The following CRLF1 variants were observed in gnomAD, a reference collection of about 807,000 sequenced individuals.
CRLF1 encodes the protein cytokine receptor-like factor 1.
A neutral mutation model predicts 48.9 loss-of-function variants in CRLF1; 36 were observed. That is an observed-to-expected ratio of 0.74 (90% confidence interval 0.56 to 0.97). CRLF1 has a LOEUF of 0.97. CRLF1 is among the 50% of genes least tolerant of loss of function. CRLF1 has a pLI of 0.00. For synonymous variants in CRLF1, 256 were observed against 253.4 expected (o/e 1.01, Z -0.10); for missense variants, 534 against 575.1 (o/e 0.93, Z 0.73).
rs1213448024 is a variant in CRLF1, at chr19:18,606,419, G to A, written c.115+123C>T. On this transcript the variant is annotated intron_variant, in intron 1 of 8. Transcript: ENST00000392386. This position sits in a 1 kb window ranked among gnomAD's most constrained non-coding sequence, Gnocchi z 4.8. ...GAGGGCGCCCCGAGGGCTGCGCCGG[G>A]GGCGCCTTCCTTTGTTCCCCGGCCG... The A allele has an allele frequency of 1.3e-5, 10 of 769,664 alleles. No homozygotes were observed. Among genetic ancestry groups the A allele is most frequent in the East Asian group, 9.1e-5 (1 of 11,014 alleles). 47.7% of individuals were successfully genotyped at this position (769,664 alleles called of 1,614,324 possible). A position where few individuals can be genotyped will look rare whatever the true frequency, so the allele number is the denominator to read the frequency against.
chr19:18,594,673 C>T (rs1016914166), intron 6 of CRLF1, among the ~76,000 whole-genome samples: 1 of 151,844 alleles, frequency 6.6e-6, no homozygotes, highest in African/African-American at 2.4e-5. Context: ...TCCACATCTC[C>T]TCCAGGAACC....
At position 18,606,122 on chromosome 19, in the gene CRLF1, T is replaced by TG. The variant is rs1226100117; in HGVS notation, c.115+419dup. The stretch of plus-strand genomic sequence containing the variant: ...TCCCCGTGGGGCTCATCCCTCCGCC[T>TG]GGGGGGGCCCGCTGGGGGCCCGCAC... On this transcript the variant is annotated intron_variant, in intron 1 of 8. Coordinates refer to ENST00000392386, the MANE Select transcript of CRLF1 (RefSeq NM_004750.5). This position sits in a 1 kb window ranked among gnomAD's most constrained non-coding sequence, Gnocchi z 4.8. Among the ~76,000 whole-genome samples the TG allele has an allele frequency of 3.8e-4, 57 of 150,946 alleles. No individual in the cohort carries two copies. The highest frequency in any genetic ancestry group is 2.0e-4 in the East Asian group (1 of 5,026).
At position 18,593,287 on chromosome 19, in the gene CRLF1, G is replaced by C. The variant is rs1976080141; in HGVS notation, c.*279C>G. Reference sequence around the variant, plus strand: ...AAGGACTCTTTTGGAGGGGCCCTAGGTAATGGGGAGTAATGACTCCCCTTC... The same window carrying C: ...AAGGACTCTTTTGGAGGGGCCCTAGCTAATGGGGAGTAATGACTCCCCTTC... On this transcript the variant is annotated 3_prime_UTR_variant, in exon 9 of 9. Transcript: ENST00000392386. 2.0e-6 allele frequency: 1 copy of C among 511,516 alleles called. No homozygotes were observed. Among genetic ancestry groups the C allele is most frequent in the African/African-American group, 1.9e-5 (1 of 52,410 alleles). 31.7% of individuals were successfully genotyped at this position (511,516 alleles called of 1,614,324 possible).
intron 8 of CRLF1, 33 bp downstream of exon 8, chr19:18,594,032 T>TCTC: frequency 1.4e-6 from 1 of 695,814 alleles, no homozygotes. Flanking sequence ...CTCCCCTTGC[T>TCTC]CCCTCCCGCC....
Position 18,598,796 on chromosome 19 carries a change from T to C in CRLF1, c.503A>G (p.Asn168Ser). The C allele has an allele frequency of 6.2e-7, 1 of 1,613,982 alleles. No homozygotes were observed. The change falls in exon 3 of 9, where the codon AAC (asparagine) becomes AGC (serine). Residue 168 changes from asparagine (N) to serine (S), a missense_variant. This residue lies in a region of CRLF1 where 528 missense variants were observed against 555.7 expected (regional missense o/e 0.95). Transcript: ENST00000392386. ...GAHGETFLHTNYSLKYKLRWY... is the reference protein window; with the variant it reads ...GAHGETFLHTSYSLKYKLRWY... ...CCTAAGCTTGTACTTGAGGGAGTAGTTGGTGTGGAGGAAGGTCTCCCCGTG... is the reference window on the plus strand; with the variant it reads ...CCTAAGCTTGTACTTGAGGGAGTAGCTGGTGTGGAGGAAGGTCTCCCCGTG...
intron 8 of CRLF1, 33 bp downstream of exon 8, chr19:18,594,032 T>TTGGGGGCCGCC: frequency 1.4e-6 from 1 of 695,814 alleles, no homozygotes; most frequent in Non-Finnish European, 2.2e-6. Flanking sequence ...CTCCCCTTGC[T>TTGGGGGCCGCC]CCCTCCCGCC....
At position 18,593,394 on chromosome 19, in the gene CRLF1, G is replaced by T; in HGVS notation, c.*172C>A. The T allele has an allele frequency of 1.2e-6, 1 of 843,148 alleles. No homozygotes were observed. Among genetic ancestry groups the T allele is most frequent in the Non-Finnish European group, 1.9e-6 (1 of 538,062 alleles). 52.2% of individuals were successfully genotyped at this position (843,148 alleles called of 1,614,324 possible). A position where few individuals can be genotyped will look rare whatever the true frequency, so the allele number is the denominator to read the frequency against. The stretch of plus-strand genomic sequence containing the variant: ...ACACACCCACTGGGGTGCACCCAAA[G>T]GTGGCCTCACGTGGGAGTCAGAGCT... On this transcript the variant is annotated 3_prime_UTR_variant, in exon 9 of 9. Coordinates refer to ENST00000392386, the MANE Select transcript of CRLF1 (RefSeq NM_004750.5).
At chr19:18,604,589 G>A (rs1157728112) in intron 1 of CRLF1, among the ~76,000 whole-genome samples, 1 of 152,180 alleles carries the variant, frequency 6.6e-6, no homozygotes, top group Non-Finnish European at 1.5e-5. Flanking sequence ...CCAGCTCTGG[G>A]GTCCCGGCTG....
At chr19:18,593,723 C>T in intron 8 of CRLF1, 144 bp from the exon 9 acceptor site, 1 of 1,513,426 alleles carries the variant, frequency 6.6e-7, no homozygotes, top group Non-Finnish European at 8.9e-7. Context: ...CTCTCCGGGC[C>T]TTGGCGAGGC....
chr19:18,598,884 C>T lies in CRLF1; in HGVS notation c.415G>A (p.Val139Ile), dbSNP rs779676934. Residue 139 changes from valine (V) to isoleucine (I), a missense_variant, in exon 3 of 9, where the codon GTC becomes ATC. Transcript: ENST00000392386. The part of the protein sequence containing the change: ...LYVGLPPEKP[V>I]NISCWSKNMK... ...TTCTTGGACCAGCAGCTGATGTTGA[C>T]GGGTTTCTCTGGGGGCACTGGGAGA... The T allele has an allele frequency of 7.4e-6, 12 of 1,613,888 alleles. No homozygotes were observed. The East Asian group carries it at 8.9e-5, about 12-fold the overall frequency.
chr19:18,598,467 C>A lies in CRLF1; in HGVS notation c.662G>T (p.Arg221Leu). ...VEATNRLGSA[R>L]SDVLTLDILD... Reference sequence around the variant, plus strand: ...GATATCCAGCGTGAGTACATCGGAGCGGGCAGAGCCCAGGCGGTTGGTGGC... The same window carrying A: ...GATATCCAGCGTGAGTACATCGGAGAGGGCAGAGCCCAGGCGGTTGGTGGC... Residue 221 changes from arginine to leucine, a missense_variant, in exon 4 of 9, where the codon CGC (arginine) becomes CTC (leucine). Coordinates refer to ENST00000392386, the MANE Select transcript of CRLF1 (RefSeq NM_004750.5). The A allele has an allele frequency of 6.2e-7, 1 of 1,614,008 alleles. No individual in the cohort carries two copies. The highest frequency in any genetic ancestry group is 8.5e-7 in the Non-Finnish European group (1 of 1,179,962).
At position 18,596,917 on chromosome 19, in the gene CRLF1, C is replaced by A. The variant is rs777747919; in HGVS notation, c.830G>T (p.Arg277Leu). The A allele has an allele frequency of 1.2e-6, 2 of 1,614,068 alleles. No individual in the cohort carries two copies. The highest frequency in any genetic ancestry group is 1.1e-5 in the South Asian group (1 of 91,080). The stretch of plus-strand genomic sequence containing the variant: ...CTTCCAGTCCACACTGTCCTCCACT[C>A]GGTAGCGGATCTGGTATTTGGCTTG... ...LFQAKYQIRY[R>L]VEDSVDWKVV... The change falls in exon 5 of 9, where the codon CGA (arginine) becomes CTA (leucine). Residue 277 changes from arginine (R) to leucine (L), a missense_variant. Transcript: ENST00000392386.
chr19:18,597,149 CTG>C (rs753110535), intron 4 of CRLF1, 100 bp from the exon 5 acceptor site: 37 of 1,333,548 alleles, frequency 2.8e-5, no homozygotes, highest in Admixed American at 1.1e-4. Context: ...GAACCTGCCT[CTG>C]TTTTCCTCCT....
rs372647247 is a variant in CRLF1, at chr19:18,596,612, G to A, written c.1024+10C>T. 5.0e-6 allele frequency: 8 copies of A among 1,613,878 alleles called. No individual in the cohort carries two copies. The African/African-American group carries it at 5.3e-5, about 11-fold the overall frequency. On this transcript the variant is annotated intron_variant, in intron 6 of 8. Coordinates refer to ENST00000392386, the MANE Select transcript of CRLF1 (RefSeq NM_004750.5). ...GCCGCTGGATCACCCAGCCCTAGGA[G>A]GGTGCTCACCACTGCGGGGAGTGGA...
chr19:18,593,548 G>GC lies in CRLF1; in HGVS notation c.*17_*18insG. On this transcript the variant is annotated 3_prime_UTR_variant, in exon 9 of 9. Coordinates refer to ENST00000392386, the MANE Select transcript of CRLF1 (RefSeq NM_004750.5). ...TGCGTCTCCACGTGGCAGGGAGGGT[G>GC]GCCTGAGCCCCTACAGCTTATCTGG... 5 of 1,610,596 alleles carry GC rather than the reference G, an allele frequency of 3.1e-6. No individual in the cohort carries two copies. The highest frequency in any genetic ancestry group is 4.2e-6 in the Non-Finnish European group (5 of 1,178,916).
chr19:18,598,148 G>GC (rs1187084059), intron 4 of CRLF1, among the ~76,000 whole-genome samples: 6 of 152,248 alleles, frequency 3.9e-5, no homozygotes, highest in Non-Finnish European at 5.9e-5. Context: ...TCTCCCCAGG[G>GC]CCCCCTCCTG....
intron 8 of CRLF1, 148 bp from the exon 9 acceptor site, chr19:18,593,727 G>A: frequency 1.3e-6 from 2 of 1,512,850 alleles, no homozygotes; most frequent in Non-Finnish European, 1.8e-6. Context: ...CCGGGCCTTG[G>A]CGAGGCTATC....
In CRLF1 at chr19:18,598,785, T is replaced by C; in HGVS notation, c.514A>G (p.Lys172Glu). 1 of 1,613,988 alleles carries C rather than the reference T, an allele frequency of 6.2e-7. No homozygotes were observed. The highest frequency in any genetic ancestry group is 8.5e-7 in the Non-Finnish European group (1 of 1,179,966). The change falls in exon 3 of 9, where the codon AAG becomes GAG. Residue 172 changes from lysine to glutamate, a missense_variant. By Grantham distance (56) the Lys-to-Glu change is moderately conservative. This residue lies in a region of CRLF1 where 528 missense variants were observed against 555.7 expected (regional missense o/e 0.95). Transcript: ENST00000392386. ...GCCACCACCAACCTAAGCTTGTACT[T>C]GAGGGAGTAGTTGGTGTGGAGGAAG... ...ETFLHTNYSLKYKLRWYGQDN... is the reference protein window; with the variant it reads ...ETFLHTNYSLEYKLRWYGQDN...
Position 18,606,315 on chromosome 19 carries a change from G to T in CRLF1, c.115+227C>A, listed in dbSNP as rs1976295045. On this transcript the variant is annotated intron_variant, in intron 1 of 8. Coordinates refer to ENST00000392386, the MANE Select transcript of CRLF1 (RefSeq NM_004750.5). The surrounding 1 kb of genome is among the most constrained non-coding windows in gnomAD (Gnocchi z 4.8). ...GGCCTGGCCTGGCGCCCTCGGCCCA[G>T]CTGCCCAGGTAACAGGGCCTCGGGC... Among the ~76,000 whole-genome samples the T allele has an allele frequency of 6.7e-6, 1 of 149,614 alleles. No homozygotes were observed. The highest frequency in any genetic ancestry group is 1.5e-5 in the Non-Finnish European group (1 of 67,396).
Sources: allele counts gnomAD v4.1 joint callset (sites outside exome capture counted in the v4.1 genomes callset), GRCh38; gene constraint gnomAD v4.1.1; regional missense constraint gnomAD v4.1.1; non-coding constraint Gnocchi (gnomAD v3.1); transcripts MANE v1.5; gene names NCBI Gene and HGNC (gene_info 2026-07-23, HGNC 2026-07-21).